The following PDE3A variants were observed in gnomAD, a reference collection of about 807,000 sequenced individuals.
PDE3A encodes the protein phosphodiesterase 3A.
PDE3A carries 43 observed loss-of-function variants against 98.3 expected under a neutral mutation model. The ratio of observed to expected loss-of-function variants is 0.44; its 90% CI spans 0.34 to 0.56. PDE3A has a LOEUF of 0.56. Among genes scored for constraint, PDE3A ranks in the 20% least tolerant of loss-of-function variants. The probability of loss-of-function intolerance (pLI) is 0.01; values close to 1 mark genes in which losing one functional copy is unlikely to be tolerated. For synonymous variants in PDE3A, 663 were observed against 567.9 expected, an observed-to-expected ratio of 1.17 and a Z score of -2.38; for missense variants, 1,427 against 1,440.7, an observed-to-expected ratio of 0.99 and a Z score of 0.15.
chr12:20,512,423 G>A (rs7969959), intron 1 of PDE3A, among the ~76,000 whole-genome samples: 90,726 of 151,826 alleles, frequency 0.6, 27,301 homozygotes, highest in African/African-American at 0.62. Flanking sequence ...AGACAAATCC[G>A]ATAAGTACTA....
At position 20,542,298 on chromosome 12, in the gene PDE3A, A is replaced by G. The variant is rs546654707; in HGVS notation, c.961-14362A>G. Among the ~76,000 whole-genome samples, 20 of 152,196 alleles carry G rather than the reference A, an allele frequency of 1.3e-4. No individual in the cohort carries two copies. In the South Asian group the frequency reaches 3.7e-3, roughly 28 times the overall value. ...TTTATAAGACTTAAAAATGAATTCA[A>G]TGTTTTAAGTCACACCAATTACTGA... On this transcript the variant is annotated intron_variant, in intron 1 of 15. Coordinates refer to ENST00000359062, the MANE Select transcript of PDE3A (RefSeq NM_000921.5).
At chr12:20,400,389 T>G (rs1400565081) in intron 1 of PDE3A, among the ~76,000 whole-genome samples, 3 of 6,284 alleles carry the variant, frequency 4.8e-4, no homozygotes, top group African/African-American at 8.3e-4. Flanking sequence ...GTTTTTTTTT[T>G]TTTTTTTTTT....
intron 2 of PDE3A, among the ~76,000 whole-genome samples, chr12:20,599,459 C>G (rs1464975852): frequency 6.6e-6 from 1 of 152,170 alleles, no homozygotes; most frequent in African/African-American, 2.4e-5. Flanking sequence ...TACTTCTAAC[C>G]TCAACATTGC....
chr12:20,472,797 T>A (rs181224102), intron 1 of PDE3A, among the ~76,000 whole-genome samples: 1 of 152,290 alleles, frequency 6.6e-6, no homozygotes, highest in Admixed American at 6.5e-5. Flanking sequence ...AGCAAAATGT[T>A]GGAAAAGTAA....
At chr12:20,627,145 T>A (rs1225497670) in intron 5 of PDE3A, among the ~76,000 whole-genome samples, 8 of 134,006 alleles carry the variant, frequency 6.0e-5, no homozygotes, top group Non-Finnish European at 6.3e-5. Context: ...ATTGTTCTGT[T>A]AAAAAAAAAA....
chr12:20,428,384 ATCC>A (rs1260901086), intron 1 of PDE3A, among the ~76,000 whole-genome samples: 1 of 152,094 alleles, frequency 6.6e-6, no homozygotes, highest in Admixed American at 6.5e-5. Flanking sequence ...GGTTCAGGCT[ATCC>A]TCCTGCCTCA....
At chr12:20,599,886 G>T (rs563893836) in intron 2 of PDE3A, among the ~76,000 whole-genome samples, 1 of 152,190 alleles carries the variant, frequency 6.6e-6, no homozygotes, top group Admixed American at 6.5e-5. Flanking sequence ...GTGTTTCACT[G>T]AAACTGTAGT....
chr12:20,669,733 T>C (rs7971656), intron 15 of PDE3A, among the ~76,000 whole-genome samples: 10,564 of 151,950 alleles, frequency 0.07, 771 homozygotes, highest in African/African-American at 0.19. Flanking sequence ...CAGTACCAGC[T>C]GCTGCAAAAT....
intron 1 of PDE3A, among the ~76,000 whole-genome samples, chr12:20,506,550 T>C (rs1293058468): frequency 3.9e-5 from 6 of 152,172 alleles, no homozygotes; most frequent in African/African-American, 1.4e-4. Context: ...ATAAGAATCT[T>C]ATAATTGTAT....
rs1025519838 is a variant in PDE3A, at chr12:20,542,008, A to G, written c.961-14652A>G. On this transcript the variant is annotated intron_variant, in intron 1 of 15. Coordinates refer to ENST00000359062, the MANE Select transcript of PDE3A (RefSeq NM_000921.5). ...AAATCGGCTTTAGAGGACAAATAAG[A>G]AAGCCAAGGGTCGCGTAATGGGGCT... Among the ~76,000 whole-genome samples the G allele has an allele frequency of 1.6e-4, 24 of 152,236 alleles. 1 individual carries two copies. The East Asian group carries it at 3.7e-3, about 23-fold the overall frequency.
chr12:20,674,737 A>G (rs142282901), intron 15 of PDE3A, among the ~76,000 whole-genome samples: 170 of 152,134 alleles, frequency 1.1e-3, no homozygotes, highest in South Asian at 3.9e-3. Context: ...GCTAATACAT[A>G]CTTGTTCAAA....
intron 1 of PDE3A, among the ~76,000 whole-genome samples, chr12:20,389,899 C>A (rs918620442): frequency 5.3e-5 from 8 of 151,358 alleles, no homozygotes; most frequent in African/African-American, 1.7e-4. Flanking sequence ...AGTAGGCTGA[C>A]TATAATCAAT....
In PDE3A at chr12:20,552,767, T is replaced by G; in HGVS notation, c.961-3893T>G. On this transcript the variant is annotated intron_variant, in intron 1 of 15. Coordinates refer to ENST00000359062, the MANE Select transcript of PDE3A (RefSeq NM_000921.5). The surrounding 1 kb of genome is among the most constrained non-coding windows in gnomAD (Gnocchi z 5.1). ...CCGGCGAGCGGCAGCCCGTTCCAGT[T>G]GTTCCTGAGTAAAGTGGAGGAGACG... 6.2e-7 allele frequency: 1 copy of G among 1,614,054 alleles called. No individual in the cohort carries two copies. The highest frequency in any genetic ancestry group is 8.5e-7 in the Non-Finnish European group (1 of 1,179,900).
At chr12:20,522,307 T>C (rs1951606707) in intron 1 of PDE3A, among the ~76,000 whole-genome samples, 1 of 152,302 alleles carries the variant, frequency 6.6e-6, no homozygotes, top group Admixed American at 6.5e-5. Context: ...TTAGTATCAG[T>C]GTGCTGGGAA....
chr12:20,403,786 A>G (rs1470917251), intron 1 of PDE3A, among the ~76,000 whole-genome samples: 1 of 152,168 alleles, frequency 6.6e-6, no homozygotes, highest in Non-Finnish European at 1.5e-5. Flanking sequence ...ACAAAATGTT[A>G]GGACTATCAA....
At chr12:20,546,122 G>A (rs563755951) in intron 1 of PDE3A, among the ~76,000 whole-genome samples, 72 of 152,034 alleles carry the variant, frequency 4.7e-4, no homozygotes, top group African/African-American at 1.6e-3. Context: ...TGCCAGCAGA[G>A]ATTTAAAAAA....
At chr12:20,449,089 A>G (rs992111963) in intron 1 of PDE3A, among the ~76,000 whole-genome samples, 2 of 152,212 alleles carry the variant, frequency 1.3e-5, no homozygotes, top group Admixed American at 1.3e-4. Context: ...AAAAAAATGT[A>G]TTGCATAGCA....
chr12:20,545,283 A>G (rs1942021180), intron 1 of PDE3A, among the ~76,000 whole-genome samples: 1 of 152,082 alleles, frequency 6.6e-6, no homozygotes, highest in Non-Finnish European at 1.5e-5. Flanking sequence ...AGCAGTATAT[A>G]GGAAGATCAT....
chr12:20,548,181 C>T (rs1287253196), intron 1 of PDE3A, among the ~76,000 whole-genome samples: 1 of 151,940 alleles, frequency 6.6e-6, no homozygotes, highest in African/African-American at 2.4e-5. Flanking sequence ...CTTTGTTTGC[C>T]AGGAATAAAT....
Sources: gnomAD v4.1 joint callset for allele counts (sites outside exome capture counted in the v4.1 genomes callset) on GRCh38, gnomAD v4.1.1 for gene constraint, Gnocchi (gnomAD v3.1) non-coding constraint, MANE v1.5 for transcripts, NCBI Gene and HGNC (gene_info 2026-07-23, HGNC 2026-07-21) for gene names.